Variants in MRAS observed in about 807,000 individuals in gnomAD.
MRAS encodes the protein muscle RAS oncogene homolog, also known as ras-related protein M-Ras.
In MRAS, 4 loss-of-function variants were observed where a neutral mutation model predicts 20.9. The ratio of observed to expected loss-of-function variants is 0.19; its 90% confidence interval spans 0.09 to 0.44. The LOEUF is 0.44. MRAS is among the 20% of genes least tolerant of loss of function. MRAS has a pLI of 0.99. For missense variants in MRAS, 154 were observed against 277.5 expected, an observed-to-expected ratio of 0.56 and a Z score of 3.16; for synonymous variants, 98 against 102.9, an observed-to-expected ratio of 0.95 and a Z score of 0.29.
At chr3:138,379,774 C>T (rs544195008) in intron 2 of MRAS, among the ~76,000 whole-genome samples, 6 of 152,288 alleles carry the variant, frequency 3.9e-5, no homozygotes, top group South Asian at 2.1e-4. Flanking sequence ...TTGTGACTAG[C>T]GCTATGATAA....
At chr3:138,350,318 C>CCCTTAGGTCTGTTCA (rs1448773805) in intron 1 of MRAS, 2 of 152,218 alleles carry the variant, frequency 1.3e-5, no homozygotes, top group Non-Finnish European at 2.9e-5. Flanking sequence ...ATGGTTTTCA[C>CCCTTAGGTCTGTTCA]CCTTAGGTCT....
intron 1 of MRAS, 65 bp from the exon 2 acceptor site, chr3:138,372,801 A>G: frequency 1.7e-6 from 2 of 1,186,338 alleles, no homozygotes. Flanking sequence ...GGAGGAAAAC[A>G]TATGAATATT....
intron 2 of MRAS, among the ~76,000 whole-genome samples, chr3:138,383,169 G>A (rs2054940205): frequency 6.6e-6 from 1 of 152,154 alleles, no homozygotes; most frequent in Non-Finnish European, 1.5e-5. Flanking sequence ...GCCCACCATT[G>A]TATCTCTGAT....
chr3:138,348,519 G>A (rs1470116635), upstream of MRAS: 1 of 152,026 alleles, frequency 6.6e-6, no homozygotes, highest in Non-Finnish European at 1.5e-5. Context: ...GCCCGCAGCG[G>A]CGCTCTATTT....
At chr3:138,378,326 G>A (rs1465736244) in intron 2 of MRAS, among the ~76,000 whole-genome samples, 2 of 152,190 alleles carry the variant, frequency 1.3e-5, no homozygotes, top group Non-Finnish European at 2.9e-5. Context: ...CATTGCCTGT[G>A]TCCTCCCAGA....
At chr3:138,366,226 T>C (rs1420110387) in intron 1 of MRAS, among the ~76,000 whole-genome samples, 1 of 152,154 alleles carries the variant, frequency 6.6e-6, no homozygotes, top group Non-Finnish European at 1.5e-5. Context: ...TTCCTCCACA[T>C]GGGTTGGGTC....
At chr3:138,364,955 G>C (rs943426189) in intron 1 of MRAS, among the ~76,000 whole-genome samples, 5 of 152,196 alleles carry the variant, frequency 3.3e-5, no homozygotes, top group African/African-American at 1.2e-4. Context: ...TGGATCAGCT[G>C]CCTCTGCCCT....
At chr3:138,354,230 A>C (rs189782994) in intron 1 of MRAS, among the ~76,000 whole-genome samples, 1 of 150,744 alleles carries the variant, frequency 6.6e-6, no homozygotes, top group African/African-American at 2.5e-5. Context: ...TCATTTGTGC[A>C]CTTTTTTTTT....
chr3:138,388,394 T>A (rs1484486955), intron 2 of MRAS, among the ~76,000 whole-genome samples: 1 of 152,194 alleles, frequency 6.6e-6, no homozygotes. Context: ...GAATTAGAGA[T>A]ACATAAAACA....
intron 2 of MRAS, 137 bp downstream of exon 2, chr3:138,373,213 G>A (rs987899833): frequency 3.0e-5 from 25 of 840,394 alleles, no homozygotes; most frequent in African/African-American, 1.1e-4. Flanking sequence ...GCCGTGTGTC[G>A]TTTTCAGGGT....
chr3:138,354,501 T>A (rs2108493631), intron 1 of MRAS, among the ~76,000 whole-genome samples: 1 of 152,266 alleles, frequency 6.6e-6, no homozygotes, highest in East Asian at 1.9e-4. Flanking sequence ...CCAGTGGGCC[T>A]CCCTAGAAGT....
intron 1 of MRAS, among the ~76,000 whole-genome samples, chr3:138,354,267 G>A (rs1322050704): frequency 6.6e-6 from 1 of 152,088 alleles, no homozygotes; most frequent in Non-Finnish European, 1.5e-5. Flanking sequence ...AAGTGTAAAG[G>A]GTAGTATAAC....
At position 138,353,880 on chromosome 3, in the gene MRAS, A is replaced by G. The variant is rs571104733; in HGVS notation, c.-19+5113A>G. Among the ~76,000 whole-genome samples, 3 of 152,374 alleles carry G rather than the reference A, an allele frequency of 2.0e-5. 1 individual carries two copies. The South Asian group carries it at 6.2e-4, about 32-fold the overall frequency. ...TCACCTGCAGTCATAACCTGAGAGAAGCAGAGTCAGAAAGGAATCTGGCCA... is the reference window on the plus strand; with the variant it reads ...TCACCTGCAGTCATAACCTGAGAGAGGCAGAGTCAGAAAGGAATCTGGCCA... On this transcript the variant is annotated intron_variant, in intron 1 of 5. Coordinates refer to ENST00000423968, the MANE Select transcript of MRAS (RefSeq NM_001085049.3).
At chr3:138,369,742 A>G (rs1181199609) in intron 1 of MRAS, among the ~76,000 whole-genome samples, 1 of 152,144 alleles carries the variant, frequency 6.6e-6, no homozygotes, top group Non-Finnish European at 1.5e-5. Flanking sequence ...CTCTGAGAGC[A>G]GGGTGCTGTC....
intron 2 of MRAS, among the ~76,000 whole-genome samples, chr3:138,377,927 T>C (rs1331621501): frequency 1.3e-5 from 2 of 152,260 alleles, no homozygotes; most frequent in African/African-American, 4.8e-5. Context: ...GTAGTTGCTG[T>C]TGTTATTTCT....
At chr3:138,361,588 C>T (rs937136871) in intron 1 of MRAS, among the ~76,000 whole-genome samples, 1 of 152,148 alleles carries the variant, frequency 6.6e-6, no homozygotes, top group South Asian at 2.1e-4. Context: ...CTGGCTGAAT[C>T]CAGTTTGTGC....
At chr3:138,355,295 A>T (rs560502400) in intron 1 of MRAS, among the ~76,000 whole-genome samples, 4 of 152,190 alleles carry the variant, frequency 2.6e-5, no homozygotes, top group Non-Finnish European at 5.9e-5. Flanking sequence ...GAAGCTCTCC[A>T]TGACGACAGG....
At chr3:138,376,103 C>T (rs1307179380) in intron 2 of MRAS, among the ~76,000 whole-genome samples, 1 of 152,164 alleles carries the variant, frequency 6.6e-6, no homozygotes, top group Non-Finnish European at 1.5e-5. Flanking sequence ...TTAAAAAGCA[C>T]CGTCCTCCAA....
intron 1 of MRAS, among the ~76,000 whole-genome samples, chr3:138,362,392 A>G (rs939635848): frequency 7.2e-5 from 11 of 152,086 alleles, no homozygotes; most frequent in African/African-American, 2.7e-4. Context: ...ACCCTCCCCC[A>G]CAACTTTCTG....
Sources: gnomAD v4.1 joint callset for allele counts (sites outside exome capture counted in the v4.1 genomes callset) on GRCh38, gnomAD v4.1.1 for gene constraint, MANE v1.5 for transcripts, NCBI Gene and HGNC (gene_info 2026-07-23, HGNC 2026-07-21) for gene names.